The following TTC28 variants were observed in gnomAD, a reference collection of about 807,000 sequenced individuals.
The protein encoded by TTC28 is tetratricopeptide repeat domain 28, also known as tetratricopeptide repeat protein 28.
In TTC28, 61 loss-of-function variants were observed where a neutral mutation model predicts 198.0. That is an observed-to-expected ratio of 0.31 (90% CI 0.25 to 0.38). The LOEUF is 0.38. Ranked by LOEUF, TTC28 falls within the 10% of genes least tolerant of loss-of-function variation. TTC28 has a pLI of 1.00. For synonymous variants in TTC28, 1,171 were observed against 1,297.8 expected, an observed-to-expected ratio of 0.90 and a Z score of 2.10; for missense variants, 2,678 against 3,164.0, an observed-to-expected ratio of 0.85 and a Z score of 3.69.
intron 2 of TTC28, among the ~76,000 whole-genome samples, chr22:28,433,621 G>A (rs575634495): frequency 2.6e-4 from 39 of 152,108 alleles, no homozygotes; most frequent in African/African-American, 8.7e-4. Flanking sequence ...AATTAATATA[G>A]AACTAGTTAA....
chr22:28,137,577 T>G (rs1943228112), intron 6 of TTC28, among the ~76,000 whole-genome samples: 1 of 152,072 alleles, frequency 6.6e-6, no homozygotes, highest in Non-Finnish European at 1.5e-5. Flanking sequence ...CACAGGAGCT[T>G]GAGCATCCTT....
At chr22:28,508,837 C>T (rs1405828540) in intron 2 of TTC28, among the ~76,000 whole-genome samples, 1 of 152,004 alleles carries the variant, frequency 6.6e-6, no homozygotes, top group Non-Finnish European at 1.5e-5. Context: ...GGAAAATTAA[C>T]AAAAATATTC....
intron 2 of TTC28, among the ~76,000 whole-genome samples, chr22:28,455,931 G>T (rs1037243283): frequency 1.6e-4 from 24 of 151,918 alleles, no homozygotes; most frequent in African/African-American, 5.8e-4. Flanking sequence ...AGGCTGAGGT[G>T]GGGGGATCAC....
intron 3 of TTC28, among the ~76,000 whole-genome samples, chr22:28,305,686 A>G (rs1307141167): frequency 6.6e-6 from 1 of 152,238 alleles, no homozygotes; most frequent in African/African-American, 2.4e-5. Context: ...AAAATGAATC[A>G]TTATTAGCTG....
chr22:28,677,881 T>C (rs1036219673), intron 1 of TTC28, among the ~76,000 whole-genome samples: 3 of 151,672 alleles, frequency 2.0e-5, no homozygotes, highest in African/African-American at 7.3e-5. Context: ...GAGGTTGCAG[T>C]GACCTGAGAT....
intron 1 of TTC28, among the ~76,000 whole-genome samples, chr22:28,633,038 G>A (rs2051204769): frequency 6.6e-6 from 1 of 151,994 alleles, no homozygotes; most frequent in African/African-American, 2.4e-5. Flanking sequence ...CCAGCACTTT[G>A]GGAGGCCGAG....
intron 2 of TTC28, among the ~76,000 whole-genome samples, chr22:28,310,232 A>G (rs9613591): frequency 0.04 from 6,117 of 152,068 alleles, 228 homozygotes; most frequent in Admixed American, 0.12. Context: ...AAAATATAAA[A>G]AGCTCTAAGT....
At chr22:28,456,550 T>C (rs2047862564) in intron 2 of TTC28, among the ~76,000 whole-genome samples, 1 of 152,200 alleles carries the variant, frequency 6.6e-6, no homozygotes, top group Non-Finnish European at 1.5e-5. Flanking sequence ...TAATGTATAA[T>C]TCTGTCTACT....
At chr22:28,119,380 A>C (rs1942724723) in intron 6 of TTC28, among the ~76,000 whole-genome samples, 1 of 152,222 alleles carries the variant, frequency 6.6e-6, no homozygotes, top group Non-Finnish European at 1.5e-5. Flanking sequence ...GCTAGAGTAC[A>C]ACTCACTGTC....
intron 2 of TTC28, among the ~76,000 whole-genome samples, chr22:28,495,399 G>A (rs978160604): frequency 6.6e-6 from 1 of 152,094 alleles, no homozygotes; most frequent in Non-Finnish European, 1.5e-5. Flanking sequence ...AAGAAAACAG[G>A]ACAATGGCTG....
At chr22:28,401,288 G>C (rs1453566299) in intron 2 of TTC28, among the ~76,000 whole-genome samples, 2 of 152,066 alleles carry the variant, frequency 1.3e-5, no homozygotes, top group African/African-American at 2.4e-5. Flanking sequence ...TTTTCAGTGG[G>C]CTAAAGTCTC....
chr22:28,358,676 T>G (rs1872514166), intron 2 of TTC28, among the ~76,000 whole-genome samples: 1 of 152,208 alleles, frequency 6.6e-6, no homozygotes, highest in African/African-American at 2.4e-5. Context: ...CAAAATTCAT[T>G]CTTCTACTTA....
chr22:28,604,297 T>TTATATA (rs35077140), intron 2 of TTC28, among the ~76,000 whole-genome samples: 2,712 of 114,078 alleles, frequency 0.024, 82 homozygotes, highest in Admixed American at 0.075. Context: ...AAAAAAAAAA[T>TTATATA]TATATATATA....
intron 12 of TTC28, among the ~76,000 whole-genome samples, chr22:28,039,301 A>T (rs2146666124): frequency 6.6e-6 from 1 of 152,336 alleles, no homozygotes; most frequent in African/African-American, 2.4e-5. Flanking sequence ...CTGGATTAAG[A>T]AAATGTGGCA....
At chr22:28,063,511 C>T (rs1010726494) in intron 12 of TTC28, among the ~76,000 whole-genome samples, 18 of 152,176 alleles carry the variant, frequency 1.2e-4, no homozygotes, top group African/African-American at 3.4e-4. Context: ...GACCTTCAGG[C>T]GGTTGGTATT....
chr22:28,047,629 C>T (rs892903380), intron 12 of TTC28, among the ~76,000 whole-genome samples: 3 of 152,174 alleles, frequency 2.0e-5, no homozygotes, highest in African/African-American at 7.2e-5. Context: ...ATCCCGTCTC[C>T]CTCTATCCCC....
chr22:27,986,466 T>C (rs1045857037), intron 21 of TTC28: 2 of 152,220 alleles, frequency 1.3e-5, no homozygotes, highest in African/African-American at 4.8e-5. Context: ...AGCAAGAATT[T>C]AGGGCCTGAA....
Position 28,101,164 on chromosome 22 carries a change from T to C in TTC28, c.3417+7A>G. 1 of 1,547,262 alleles carries C rather than the reference T, an allele frequency of 6.5e-7. No individual in the cohort carries two copies. ...AAAAATCCACTTCAGTCAGGGGTTC[T>C]GCTTACCTGGTGTTGGGCCTCCTCC... is the stretch of plus-strand genomic sequence containing the variant. On this transcript the variant is annotated splice_region_variant and intron_variant, in intron 9 of 22. Transcript: ENST00000397906.
chr22:28,495,517 A>T (rs897211165), intron 2 of TTC28, among the ~76,000 whole-genome samples: 1 of 152,210 alleles, frequency 6.6e-6, no homozygotes, highest in Non-Finnish European at 1.5e-5. Flanking sequence ...ATTCTCAGAC[A>T]TACAAGGTTT....
Sources: gnomAD v4.1 joint callset for allele counts (sites outside exome capture counted in the v4.1 genomes callset) on GRCh38, gnomAD v4.1.1 for gene constraint, MANE v1.5 for transcripts, NCBI Gene and HGNC (gene_info 2026-07-23, HGNC 2026-07-21) for gene names.